The following CP variants were observed in gnomAD, a reference collection of about 807,000 sequenced individuals.
The protein encoded by CP is ceruloplasmin.
A neutral mutation model predicts 122.4 loss-of-function variants in CP; 64 were observed. The ratio of observed to expected loss-of-function variants is 0.52; its 90% CI spans 0.43 to 0.64. The LOEUF (loss-of-function observed/expected upper bound fraction) is 0.64, where lower values mean the gene tolerates loss of function less well. Ranked by LOEUF, CP falls within the 30% of genes least tolerant of loss-of-function variation. The pLI, the probability that CP is intolerant of heterozygous loss-of-function variation, is 0.00. For synonymous variants in CP, 440 were observed against 436.4 expected, an observed-to-expected ratio of 1.01 and a Z score of -0.10; for missense variants, 1,167 against 1,284.4, an observed-to-expected ratio of 0.91 and a Z score of 1.40.
chr3:149,173,718 C>T lies in CP; in HGVS notation c.3194G>A (p.Gly1065Asp). ...CTTATCACCAATTTATTTCATTCAG[C>T]CAGATTTGGTGTCTATAGAAAAAGA... is the stretch of plus-strand genomic sequence containing the variant. ...TVLQNEDTKS[G>D] The change falls in exon 19 of 19, where the codon GGC becomes GAC. Residue 1065 changes from glycine to aspartate, a missense_variant. Gly to Asp is a moderately conservative substitution (Grantham distance 94). Around this residue, in one of 2 missense-constraint regions of CP, gnomAD observed 525 missense variants for 657.2 expected, o/e 0.80. Transcript: ENST00000264613. 1.4e-6 allele frequency: 2 copies of T among 1,449,622 alleles called. No homozygotes were observed. The highest frequency in any genetic ancestry group is 1.4e-5 in the African/African-American group (1 of 71,266). 89.8% of individuals were successfully genotyped at this position (1,449,622 alleles called of 1,614,324 possible). A position where few individuals can be genotyped will look rare whatever the true frequency, so the allele number is the denominator to read the frequency against.
intron 17 of CP, among the ~76,000 whole-genome samples, chr3:149,177,283 C>T (rs969600873): frequency 3.9e-5 from 6 of 152,130 alleles, no homozygotes; most frequent in East Asian, 3.8e-4. Flanking sequence ...TTAGCAATTC[C>T]GCTCAGTTGC....
chr3:149,183,080 G>A (rs887619465), intron 13 of CP, among the ~76,000 whole-genome samples: 17 of 152,126 alleles, frequency 1.1e-4, no homozygotes, highest in Admixed American at 2.0e-4. Flanking sequence ...GAGCACAGGA[G>A]CGGCAGGTTG....
At chr3:149,198,310 G>T in intron 9 of CP, 57 bp downstream of exon 9, 1 of 1,337,192 alleles carries the variant, frequency 7.5e-7, no homozygotes, top group Non-Finnish European at 1.1e-6. Context: ...TTCTATTTCT[G>T]TCAAATGATC....
At chr3:149,179,440 T>C (rs541980051) in intron 15 of CP, 116 bp downstream of exon 15, 564 of 818,120 alleles carry the variant, frequency 6.9e-4, no homozygotes, top group Non-Finnish European at 8.6e-4. Flanking sequence ...TTGCAAACAG[T>C]TTATTTTCCT....
At chr3:149,212,765 T>C (rs1728201274) in intron 1 of CP, 67 bp from the exon 2 acceptor site, 8 of 1,531,402 alleles carry the variant, frequency 5.2e-6, no homozygotes, top group Non-Finnish European at 7.1e-6. Flanking sequence ...ATCATTATAA[T>C]TTAATAACAT....
intron 16 of CP, among the ~76,000 whole-genome samples, 161 bp from the exon 17 acceptor site, chr3:149,178,140 A>G (rs1190457493): frequency 6.6e-6 from 1 of 152,222 alleles, no homozygotes; most frequent in African/African-American, 2.4e-5. Context: ...AGTCAATAAT[A>G]TCACATTGCT....
At chr3:149,168,176 C>G, downstream of CP, 3 of 572,068 alleles carry the variant, frequency 5.2e-6, no homozygotes, top group East Asian at 9.0e-5. Context: ...AGTCACAGAA[C>G]TGATGTTCTT....
intron 9 of CP, among the ~76,000 whole-genome samples, chr3:149,191,850 A>C (rs147780313): frequency 1.9e-3 from 294 of 152,182 alleles, no homozygotes; most frequent in Middle Eastern, 6.8e-3. Flanking sequence ...ACAGGAATTC[A>C]ATGAGAAACA....
downstream of CP, chr3:149,167,994 T>C: frequency 1.4e-6 from 2 of 1,413,648 alleles, no homozygotes; most frequent in South Asian, 2.3e-5. Context: ...GTAAAATGAT[T>C]TTTTTTTTGC....
chr3:149,173,682 T>A lies in CP; in HGVS notation c.*32A>T. The stretch of plus-strand genomic sequence containing the variant: ...CATTGTTATGAATCATTGGTTTTTC[T>A]CTTTTTTCCACTTATCACCAATTTA... On this transcript the variant is annotated 3_prime_UTR_variant, in exon 19 of 19. Transcript: ENST00000264613. 2 of 1,408,374 alleles carry A rather than the reference T, an allele frequency of 1.4e-6. No homozygotes were observed. The highest frequency in any genetic ancestry group is 2.0e-6 in the Non-Finnish European group (2 of 1,015,940). The allele number at this position is 1,408,374 out of a possible 1,614,324, so 87.2% of individuals were successfully genotyped here.
intron 15 of CP, 22 bp from the exon 16 acceptor site, chr3:149,178,653 A>C: frequency 6.5e-7 from 1 of 1,530,846 alleles, no homozygotes; most frequent in Non-Finnish European, 9.0e-7. Context: ...AAAAATCTTC[A>C]GTAACCCTTG....
intron 10 of CP, 31 bp from the exon 11 acceptor site, chr3:149,186,763 G>A (rs755477780): frequency 1.2e-6 from 2 of 1,602,708 alleles, no homozygotes; most frequent in African/African-American, 1.3e-5. Context: ...CATTTTGGAA[G>A]TGGTTTAGAT....
Position 149,178,643 on chromosome 3 carries a change from A to G in CP, c.2662-12T>C, listed in dbSNP as rs16861582. 0.29 allele frequency: 463,563 copies of G among 1,573,888 alleles called. 70,259 individuals are homozygous for G. The highest frequency in any genetic ancestry group is 0.44 in the African/African-American group (32,712 of 74,056). ...CCACTGTAGAGGTCCTGGAAACAAG[A>G]AAAATCTTCAGTAACCCTTGTGAAT... is the stretch of plus-strand genomic sequence containing the variant. On this transcript the variant is annotated splice_polypyrimidine_tract_variant and intron_variant, in intron 15 of 18. Coordinates refer to ENST00000264613, the MANE Select transcript of CP (RefSeq NM_000096.4).
At chr3:149,202,377 G>A (rs1365335482) in intron 6 of CP, 136 bp from the exon 7 acceptor site, 6 of 1,100,202 alleles carry the variant, frequency 5.5e-6, no homozygotes, top group Admixed American at 1.8e-5. Context: ...ATAGCAATCC[G>A]TACCAGTTAC....
intron 9 of CP, among the ~76,000 whole-genome samples, chr3:149,188,497 A>C (rs960536175): frequency 0.04 from 5,279 of 132,008 alleles, 397 homozygotes; most frequent in African/African-American, 0.14. Flanking sequence ...CTCCAAAAAA[A>C]AAAAAAAAAA....
rs1173009563 is a variant in CP at position 149,182,007 on chromosome 3, G to A, written c.2552C>T (p.Pro851Leu). The change falls in exon 14 of 19, where the codon CCA (proline) becomes CTA (leucine). Residue 851 changes from proline (P) to leucine (L), a missense_variant and splice_region_variant. Pro to Leu is a moderately conservative substitution (Grantham distance 98, BLOSUM62 -3). Transcript: ENST00000264613. The stretch of plus-strand genomic sequence containing the variant: ...CCCACCCCCGCCCCCGTGAGTACCT[G>A]GTAATGTTGGAGTAACTGTAGAACT... ...TESSTVTPTL[P>L]GETLTYVWKI... 1 of 1,404,588 alleles carries A rather than the reference G, an allele frequency of 7.1e-7. No homozygotes were observed. The highest frequency in any genetic ancestry group is 1.8e-5 in the African/African-American group (1 of 56,448). The allele number at this position is 1,404,588 out of a possible 1,614,324, so 87.0% of individuals were successfully genotyped here.
chr3:149,204,519 T>C (rs1727569192), intron 6 of CP, among the ~76,000 whole-genome samples: 2 of 152,216 alleles, frequency 1.3e-5, no homozygotes, highest in Admixed American at 6.5e-5. Flanking sequence ...TAGATCCTCC[T>C]GAGTTGGAGA....
rs1728190672 is a variant in CP, at chr3:149,212,602, C to T, written c.243G>A (p.Arg81=). ...GCCAGACCGGTTTTTCTATAGTTGT[C>T]CTAAAGGTTTCATCTGTGTACTGAA... The part of the protein sequence containing the change: ...LYLQYTDETF[R]TTIEKPVWLG... The change falls in exon 2 of 19, where the codon AGG becomes AGA. Residue 81 remains arginine (R), a synonymous_variant. Coordinates refer to ENST00000264613, the MANE Select transcript of CP (RefSeq NM_000096.4). 2 of 1,613,920 alleles carry T rather than the reference C, an allele frequency of 1.2e-6. No homozygotes were observed. The highest frequency in any genetic ancestry group is 4.5e-5 in the East Asian group (2 of 44,844).
chr3:149,162,458 GT>G, exon 6 of CP: 1 of 951,864 alleles, frequency 1.1e-6, no homozygotes, highest in Non-Finnish European at 1.6e-6. Context: ...TACATAATCA[GT>G]TTATAAGATA....
Sources: allele counts gnomAD v4.1 joint callset (sites outside exome capture counted in the v4.1 genomes callset), GRCh38; gene constraint gnomAD v4.1.1; regional missense constraint gnomAD v4.1.1; transcripts MANE v1.5; gene names NCBI Gene and HGNC (gene_info 2026-07-23, HGNC 2026-07-21).